The following UBXN2A variants were observed in gnomAD, a reference collection of about 807,000 sequenced individuals.
The protein encoded by UBXN2A is UBX domain protein 2A.
In UBXN2A, 28 loss-of-function variants were observed where a neutral mutation model predicts 28.4. The ratio of observed to expected loss-of-function variants is 0.99; its 90% confidence interval spans 0.73 to 1.35. UBXN2A has a LOEUF of 1.35. Ranked by LOEUF, UBXN2A falls within the 40% of genes most tolerant of loss-of-function variation. UBXN2A has a pLI of 0.00. For synonymous variants in UBXN2A, 97 were observed against 103.6 expected (o/e 0.94, Z 0.39); for missense variants, 253 against 297.9 (o/e 0.85, Z 1.11).
intron 1 of UBXN2A, among the ~76,000 whole-genome samples, chr2:23,946,047 G>T (rs1281052712): frequency 6.6e-6 from 1 of 152,086 alleles, no homozygotes; most frequent in Non-Finnish European, 1.5e-5. Flanking sequence ...GGCCAGCCTG[G>T]TCTCAAACTC....
intron 6 of UBXN2A, among the ~76,000 whole-genome samples, chr2:23,991,549 A>C (rs1047743059): frequency 2.0e-5 from 3 of 151,250 alleles, no homozygotes; most frequent in Non-Finnish European, 4.4e-5. Flanking sequence ...GCTCACTGCA[A>C]CTTCTGCCTC....
At chr2:23,996,479 C>CT (rs869068732) in intron 6 of UBXN2A, among the ~76,000 whole-genome samples, 2,654 of 134,864 alleles carry the variant, frequency 0.02, 37 homozygotes, top group Middle Eastern at 0.047. Context: ...TTTTCTTTTT[C>CT]TTTTTTTTTT....
chr2:23,928,893 T>C (rs1156334315), intron 1 of UBXN2A, among the ~76,000 whole-genome samples: 2 of 152,184 alleles, frequency 1.3e-5, no homozygotes, highest in Non-Finnish European at 1.5e-5. Flanking sequence ...GTTGATGTCT[T>C]AATGGGTGGG....
In UBXN2A at chr2:24,000,014, T is replaced by G; in HGVS notation, c.*147T>G. On this transcript the variant is annotated 3_prime_UTR_variant, in exon 7 of 7. Transcript: ENST00000309033. The stretch of plus-strand genomic sequence containing the variant: ...CTCTCCTGATGAGAAGATGTTTAGA[T>G]AAGTACAAGTTAAGAAAGTAGCATA... 1 of 720,116 alleles carries G rather than the reference T, an allele frequency of 1.4e-6. No homozygotes were observed. Among genetic ancestry groups the G allele is most frequent in the South Asian group, 2.1e-5 (1 of 48,106 alleles). The allele number at this position is 720,116 out of a possible 1,614,324, so 44.6% of individuals were successfully genotyped here. A position where few individuals can be genotyped will look rare whatever the true frequency, so the allele number is the denominator to read the frequency against.
chr2:23,956,170 T>G (rs930792894), intron 1 of UBXN2A, among the ~76,000 whole-genome samples: 10 of 122,082 alleles, frequency 8.2e-5, no homozygotes, highest in African/African-American at 2.7e-4. Flanking sequence ...GACCTCATCT[T>G]TTTTATTAAA....
chr2:23,935,605 TAAC>T (rs1290779906), upstream of UBXN2A, among the ~76,000 whole-genome samples: 17 of 151,998 alleles, frequency 1.1e-4, no homozygotes, highest in South Asian at 2.5e-3. Flanking sequence ...ACAGAGAAAA[TAAC>T]AAGTGTTGGG....
intron 1 of UBXN2A, among the ~76,000 whole-genome samples, chr2:23,943,101 A>C (rs1354058890): frequency 6.6e-6 from 1 of 151,686 alleles, no homozygotes; most frequent in Admixed American, 6.6e-5. Flanking sequence ...GATTACAGGC[A>C]TGCGCCACCA....
intron 3 of UBXN2A, among the ~76,000 whole-genome samples, chr2:23,974,653 AC>A (rs1201455108): frequency 6.6e-6 from 1 of 152,168 alleles, no homozygotes; most frequent in African/African-American, 2.4e-5. Context: ...GCCTTAACCA[AC>A]TTTTTAAGTG....
chr2:23,998,087 C>T (rs944529126), intron 6 of UBXN2A, among the ~76,000 whole-genome samples: 1 of 152,184 alleles, frequency 6.6e-6, no homozygotes, highest in Non-Finnish European at 1.5e-5. Flanking sequence ...GCTGGGATTA[C>T]AGGCGTGAGC....
At chr2:23,941,102 T>C (rs1325719073) in intron 1 of UBXN2A, among the ~76,000 whole-genome samples, 1 of 152,186 alleles carries the variant, frequency 6.6e-6, no homozygotes, top group Non-Finnish European at 1.5e-5. Flanking sequence ...GTTCGCTGAT[T>C]TCACGTTTCC....
chr2:23,941,199 T>C (rs1462758456), intron 1 of UBXN2A, among the ~76,000 whole-genome samples: 1 of 152,108 alleles, frequency 6.6e-6, no homozygotes, highest in African/African-American at 2.4e-5. Context: ...TGAATGTTCG[T>C]GTGGCATCCA....
chr2:23,940,815 G>A (rs1573527793), intron 1 of UBXN2A, among the ~76,000 whole-genome samples, 167 bp downstream of exon 1: 1 of 152,086 alleles, frequency 6.6e-6, no homozygotes, highest in East Asian at 1.9e-4. Context: ...TCGGGAAGGG[G>A]CGCCGGCGGC....
chr2:23,941,528 A>G (rs1207993804), intron 1 of UBXN2A, among the ~76,000 whole-genome samples: 1 of 152,242 alleles, frequency 6.6e-6, no homozygotes, highest in African/African-American at 2.4e-5. Context: ...TAATGATATG[A>G]GGCTGACTGC....
intron 1 of UBXN2A, among the ~76,000 whole-genome samples, chr2:23,931,281 T>C (rs1222594500): frequency 6.6e-6 from 1 of 152,104 alleles, no homozygotes; most frequent in Non-Finnish European, 1.5e-5. Context: ...ACCCCATCTC[T>C]ACTGAAAATA....
chr2:23,981,541 A>ATGAATTTG (rs1707906523), intron 4 of UBXN2A, among the ~76,000 whole-genome samples: 1 of 150,074 alleles, frequency 6.7e-6, no homozygotes, highest in Non-Finnish European at 1.5e-5. Context: ...TATATACTAA[A>ATGAATTTG]TGAATTTGTA....
intron 3 of UBXN2A, among the ~76,000 whole-genome samples, chr2:23,971,656 T>G (rs1311639872): frequency 6.6e-6 from 1 of 152,082 alleles, no homozygotes; most frequent in African/African-American, 2.4e-5. Flanking sequence ...GCCCAGCTAA[T>G]TTTTTTATTC....
At chr2:23,935,482 GAA>G (rs1277112822), upstream of UBXN2A, among the ~76,000 whole-genome samples, 2 of 152,134 alleles carry the variant, frequency 1.3e-5, no homozygotes, top group East Asian at 3.8e-4. Flanking sequence ...ATAGGCGCAT[GAA>G]AAGATATTCA....
At chr2:23,933,123 T>G (rs2150783838) in intron 1 of UBXN2A, among the ~76,000 whole-genome samples, 1 of 150,742 alleles carries the variant, frequency 6.6e-6, no homozygotes, top group Non-Finnish European at 1.5e-5. Flanking sequence ...AAAATTAAAT[T>G]AAATTAAAAA....
intron 2 of UBXN2A, among the ~76,000 whole-genome samples, chr2:23,958,966 G>A (rs562594748): frequency 6.6e-6 from 1 of 152,152 alleles, no homozygotes; most frequent in African/African-American, 2.4e-5. Flanking sequence ...TTGGCTTCCT[G>A]AGTAGCTGGG....
Sources: gnomAD v4.1 joint callset for allele counts (sites outside exome capture counted in the v4.1 genomes callset) on GRCh38, gnomAD v4.1.1 for gene constraint, MANE v1.5 for transcripts, NCBI Gene and HGNC (gene_info 2026-07-23, HGNC 2026-07-21) for gene names.